The following DENND1A variants were observed in gnomAD, a reference collection of about 807,000 sequenced individuals.
The protein encoded by DENND1A is DENN domain containing 1A, also known as DENN domain-containing protein 1A.
In DENND1A, 51 loss-of-function variants were observed where a neutral mutation model predicts 113.7. The observed-to-expected ratio is 0.45, with a 90% CI of 0.36 to 0.57. DENND1A has a LOEUF of 0.57. Among genes scored for constraint, DENND1A ranks in the 20% least tolerant of loss-of-function variants. The probability of loss-of-function intolerance (pLI) is 0.00; values close to 1 mark genes in which losing one functional copy is unlikely to be tolerated. For synonymous variants in DENND1A, 565 were observed against 570.8 expected (o/e 0.99, Z 0.14); for missense variants, 1,258 against 1,395.9 (o/e 0.90, Z 1.57).
At chr9:123,762,445 T>G (rs2071119898) in intron 4 of DENND1A, among the ~76,000 whole-genome samples, 1 of 152,220 alleles carries the variant, frequency 6.6e-6, no homozygotes, top group African/African-American at 2.4e-5. Flanking sequence ...TTGCTTAATC[T>G]TGAAGTTGTT....
intron 13 of DENND1A, among the ~76,000 whole-genome samples, chr9:123,460,663 G>C (rs540922572): frequency 6.6e-6 from 1 of 152,254 alleles, no homozygotes; most frequent in Non-Finnish European, 1.5e-5. Flanking sequence ...CTCACCCCCG[G>C]CTCTCCATCT....
intron 5 of DENND1A, among the ~76,000 whole-genome samples, chr9:123,677,058 G>A (rs141063964): frequency 1.3e-3 from 193 of 152,240 alleles, no homozygotes; most frequent in African/African-American, 3.9e-3. Flanking sequence ...ATTCAAAGCC[G>A]ACTCCACAAT....
intron 5 of DENND1A, among the ~76,000 whole-genome samples, chr9:123,710,806 G>A (rs1020874888): frequency 6.6e-5 from 10 of 151,678 alleles, no homozygotes; most frequent in African/African-American, 2.4e-4. Context: ...CCAAGTAGCT[G>A]GGATTACAGG....
intron 13 of DENND1A, among the ~76,000 whole-genome samples, chr9:123,485,987 C>G (rs553662161): frequency 6.6e-6 from 1 of 152,268 alleles, no homozygotes; most frequent in African/African-American, 2.4e-5. Context: ...GGTTGATTCC[C>G]CTGGATCTTC....
intron 4 of DENND1A, chr9:123,759,409 GTACTATTGTTGTTATTATTAT>G (rs1484097390): frequency 6.6e-6 from 1 of 152,212 alleles, no homozygotes; most frequent in Non-Finnish European, 1.5e-5. Context: ...GAAGGAAGAA[GTACTATTGTTGTTATTATTAT>G]TACTATTACT....
chr9:123,877,393 G>C (rs951965115), intron 2 of DENND1A, among the ~76,000 whole-genome samples: 6 of 152,084 alleles, frequency 3.9e-5, no homozygotes, highest in Non-Finnish European at 8.8e-5. Flanking sequence ...GAAGGCTGAG[G>C]CAGAAGAATT....
chr9:123,456,209 T>C (rs893183949), intron 15 of DENND1A, among the ~76,000 whole-genome samples: 4 of 141,608 alleles, frequency 2.8e-5, no homozygotes, highest in Non-Finnish European at 3.2e-5. Flanking sequence ...AAACTGCCAA[T>C]TGGATTATCA....
At chr9:123,863,718 CTT>C (rs1303288654) in intron 2 of DENND1A, among the ~76,000 whole-genome samples, 1 of 152,064 alleles carries the variant, frequency 6.6e-6, no homozygotes, top group Non-Finnish European at 1.5e-5. Context: ...GGAGAAATAA[CTT>C]TTGGCACATT....
At chr9:123,771,033 T>G (rs893504995) in intron 3 of DENND1A, among the ~76,000 whole-genome samples, 1 of 152,114 alleles carries the variant, frequency 6.6e-6, no homozygotes, top group East Asian at 1.9e-4. Flanking sequence ...ATCACAGCAC[T>G]GCTAAGAAAT....
intron 11 of DENND1A, among the ~76,000 whole-genome samples, chr9:123,601,233 C>T (rs1189561609): frequency 2.0e-5 from 3 of 152,182 alleles, no homozygotes; most frequent in Admixed American, 2.0e-4. Flanking sequence ...ACTAGTTAGA[C>T]TGAAAACGTA....
At chr9:123,658,046 C>T (rs2139608922) in intron 8 of DENND1A, among the ~76,000 whole-genome samples, 1 of 152,282 alleles carries the variant, frequency 6.6e-6, no homozygotes, top group South Asian at 2.1e-4. Context: ...AGGTCTTCTA[C>T]TACCACTTCA....
At chr9:123,924,827 C>A (rs567007597) in intron 1 of DENND1A, among the ~76,000 whole-genome samples, 1 of 152,308 alleles carries the variant, frequency 6.6e-6, no homozygotes, top group South Asian at 2.1e-4. Flanking sequence ...AGTCACTACT[C>A]AAACCCACTG....
Position 123,521,934 on chromosome 9 carries a change from C to T in DENND1A, c.993+35636G>A, listed in dbSNP as rs149244424. Among the ~76,000 whole-genome samples, 784 of 152,342 alleles carry T rather than the reference C, an allele frequency of 5.1e-3. 5 individuals carry two copies. Among genetic ancestry groups the T allele is most frequent in the Middle Eastern group, 0.017 (5 of 294 alleles). On this transcript the variant is annotated intron_variant, in intron 13 of 23. Transcript: ENST00000394215. Reference sequence around the variant, plus strand: ...GCATGGGAAGTGTCTAGTACGCTGCCTGGCACACAGGAGGGACACCACCCA... The same window carrying T: ...GCATGGGAAGTGTCTAGTACGCTGCTTGGCACACAGGAGGGACACCACCCA...
chr9:123,494,892 A>T (rs1005597063), intron 13 of DENND1A, among the ~76,000 whole-genome samples: 13 of 152,042 alleles, frequency 8.6e-5, no homozygotes, highest in African/African-American at 3.1e-4. Flanking sequence ...CCCGGGTTGA[A>T]GCGATTCTCA....
chr9:123,690,413 A>C (rs2065118797), intron 5 of DENND1A, among the ~76,000 whole-genome samples: 1 of 152,214 alleles, frequency 6.6e-6, no homozygotes, highest in Non-Finnish European at 1.5e-5. Context: ...ACTTGAAAGC[A>C]ACCTAAATGT....
At chr9:123,445,451 A>G (rs2047233540) in intron 18 of DENND1A, among the ~76,000 whole-genome samples, 1 of 152,240 alleles carries the variant, frequency 6.6e-6, no homozygotes, top group African/African-American at 2.4e-5. Flanking sequence ...GCTGGGTCCT[A>G]CAAAGATTCC....
intron 4 of DENND1A, among the ~76,000 whole-genome samples, chr9:123,767,776 G>A (rs960144574): frequency 2.0e-5 from 3 of 152,066 alleles, no homozygotes; most frequent in African/African-American, 7.2e-5. Context: ...ATTTTCTCTT[G>A]CTCACTTCCT....
chr9:123,562,592 C>T (rs2057821393), intron 12 of DENND1A, among the ~76,000 whole-genome samples: 1 of 152,174 alleles, frequency 6.6e-6, no homozygotes, highest in Admixed American at 6.5e-5. Flanking sequence ...TAAAATGCTA[C>T]ATTACCAAAC....
chr9:123,418,358 A>T (rs1221361362), intron 19 of DENND1A, among the ~76,000 whole-genome samples: 1 of 152,224 alleles, frequency 6.6e-6, no homozygotes, highest in Non-Finnish European at 1.5e-5. Context: ...TCTATCTGTC[A>T]GCTGTGTGGG....
Sources: allele counts gnomAD v4.1 joint callset (sites outside exome capture counted in the v4.1 genomes callset), GRCh38; gene constraint gnomAD v4.1.1; transcripts MANE v1.5; gene names NCBI Gene and HGNC (gene_info 2026-07-23, HGNC 2026-07-21).